CAMK1D: variants seen among roughly 807,000 people sequenced by gnomAD.
CAMK1D encodes calcium/calmodulin-dependent protein kinase type 1D.
CAMK1D carries 9 observed loss-of-function variants against 47.7 expected under a neutral mutation model. That is an observed-to-expected ratio of 0.19 (90% CI 0.11 to 0.33). The LOEUF (loss-of-function observed/expected upper bound fraction) is 0.33, where lower values mean the gene tolerates loss of function less well. Among genes scored for constraint, CAMK1D ranks in the 10% least tolerant of loss-of-function variants. CAMK1D has a pLI of 1.00. For missense variants in CAMK1D, 291 were observed against 488.7 expected (o/e 0.60, Z 3.81); for synonymous variants, 184 against 184.9 (o/e 0.99, Z 0.04).
chr10:12,689,185 G>T (rs1320619396), intron 3 of CAMK1D, among the ~76,000 whole-genome samples: 1 of 152,176 alleles, frequency 6.6e-6, no homozygotes, highest in Non-Finnish European at 1.5e-5. Context: ...GTCTCAGGAG[G>T]TTTCCCTAAG....
chr10:12,419,445 C>T lies in CAMK1D; in HGVS notation c.92+69535C>T, dbSNP rs924225487. The stretch of plus-strand genomic sequence containing the variant: ...TTACTATGAAAAATGGGGAAATACA[C>T]GCGATAACCAGAGCCAAGTCCTGTT... On this transcript the variant is annotated intron_variant, in intron 1 of 10. Coordinates refer to ENST00000619168, the MANE Select transcript of CAMK1D (RefSeq NM_153498.4). Among the ~76,000 whole-genome samples the T allele has an allele frequency of 3.9e-5, 6 of 152,106 alleles. No homozygotes were observed. In the East Asian group the frequency reaches 5.8e-4, roughly 15 times the overall value.
chr10:12,733,693 A>G (rs1288974592), intron 3 of CAMK1D, among the ~76,000 whole-genome samples: 1 of 152,214 alleles, frequency 6.6e-6, no homozygotes, highest in East Asian at 1.9e-4. Flanking sequence ...ATGTTATGCC[A>G]TACACCCGAA....
chr10:12,797,743 C>T (rs532539456), intron 6 of CAMK1D, among the ~76,000 whole-genome samples: 1 of 152,266 alleles, frequency 6.6e-6, no homozygotes, highest in Non-Finnish European at 1.5e-5. Context: ...CGAGTCCATC[C>T]TGGGGATGCT....
chr10:12,718,352 G>A (rs1016933854), intron 3 of CAMK1D, among the ~76,000 whole-genome samples: 15 of 152,162 alleles, frequency 9.9e-5, no homozygotes, highest in Non-Finnish European at 1.8e-4. Flanking sequence ...GGCTTGATTT[G>A]TCTAAATTGC....
intron 1 of CAMK1D, among the ~76,000 whole-genome samples, chr10:12,494,478 G>A (rs1834477076): frequency 6.6e-6 from 1 of 152,152 alleles, no homozygotes; most frequent in Admixed American, 6.5e-5. Flanking sequence ...TAAATCTGAT[G>A]TCCCCAACCC....
intron 5 of CAMK1D, among the ~76,000 whole-genome samples, chr10:12,786,451 A>G (rs1014908748): frequency 6.6e-6 from 1 of 152,256 alleles, no homozygotes; most frequent in African/African-American, 2.4e-5. Flanking sequence ...TCCATCGCCA[A>G]TATTGTCATC....
chr10:12,633,567 A>G (rs2132471075), intron 2 of CAMK1D, among the ~76,000 whole-genome samples: 1 of 152,104 alleles, frequency 6.6e-6, no homozygotes, highest in African/African-American at 2.4e-5. Context: ...CTCTTTTCTT[A>G]ATTTTTTGAG....
At chr10:12,609,234 C>T (rs1187370999) in intron 2 of CAMK1D, among the ~76,000 whole-genome samples, 3 of 152,150 alleles carry the variant, frequency 2.0e-5, no homozygotes, top group East Asian at 1.9e-4. Context: ...GTGAGGAACA[C>T]GAACATTTCA....
chr10:12,421,098 T>G (rs1268376376), intron 1 of CAMK1D, among the ~76,000 whole-genome samples: 1 of 152,026 alleles, frequency 6.6e-6, no homozygotes, highest in Non-Finnish European at 1.5e-5. Context: ...AATGGCGTGG[T>G]GTTGAGGTGA....
intron 6 of CAMK1D, among the ~76,000 whole-genome samples, chr10:12,797,043 C>A (rs1480502379): frequency 6.6e-6 from 1 of 152,176 alleles, no homozygotes; most frequent in Non-Finnish European, 1.5e-5. Flanking sequence ...CAGAAGTTTT[C>A]TTTCTTTTGG....
At chr10:12,684,568 C>A (rs1170004183) in intron 3 of CAMK1D, among the ~76,000 whole-genome samples, 1 of 152,092 alleles carries the variant, frequency 6.6e-6, no homozygotes, top group Non-Finnish European at 1.5e-5. Context: ...GCATCCAAAT[C>A]GTGGGACTGT....
chr10:12,566,036 A>C (rs1480453634), intron 2 of CAMK1D, among the ~76,000 whole-genome samples: 1 of 152,172 alleles, frequency 6.6e-6, no homozygotes. Context: ...CTCCTGCTTT[A>C]GAAGCTACTT....
rs190945469 is a variant in CAMK1D at position 12,671,307 on chromosome 10, A to G, written c.299+4497A>G. ...GGACTTGCTTTCATTTCCCTTGGGT[A>G]TATACCTAGGAGTGAAATTGCCGGG... On this transcript the variant is annotated intron_variant, in intron 3 of 10. Transcript: ENST00000619168. Among the ~76,000 whole-genome samples, 4 of 150,464 alleles carry G rather than the reference A, an allele frequency of 2.7e-5. No individual in the cohort carries two copies. In the East Asian group the frequency reaches 5.8e-4, roughly 22 times the overall value.
At chr10:12,392,054 A>G (rs1342607188) in intron 1 of CAMK1D, among the ~76,000 whole-genome samples, 2 of 151,016 alleles carry the variant, frequency 1.3e-5, no homozygotes, top group Non-Finnish European at 2.9e-5. Context: ...CTATAATCCT[A>G]GCACTTTGGG....
chr10:12,668,744 TG>T (rs1840513053), intron 3 of CAMK1D, among the ~76,000 whole-genome samples: 1 of 152,148 alleles, frequency 6.6e-6, no homozygotes, highest in Non-Finnish European at 1.5e-5. Context: ...AACTTGGGGT[TG>T]TATACTACCA....
chr10:12,532,587 T>C (rs1588601232), intron 1 of CAMK1D, among the ~76,000 whole-genome samples: 1 of 152,206 alleles, frequency 6.6e-6, no homozygotes, highest in East Asian at 1.9e-4. Context: ...CCTATCTTTT[T>C]ATTTTCAAGA....
At chr10:12,818,442 G>A (rs954557667) in intron 8 of CAMK1D, among the ~76,000 whole-genome samples, 5 of 152,118 alleles carry the variant, frequency 3.3e-5, no homozygotes, top group South Asian at 2.1e-4. Context: ...AGGCCAAGGC[G>A]GGTAGGTCAC....
At chr10:12,810,500 C>T (rs892659206) in intron 6 of CAMK1D, among the ~76,000 whole-genome samples, 1 of 152,280 alleles carries the variant, frequency 6.6e-6, no homozygotes, top group Non-Finnish European at 1.5e-5. Context: ...GTCTCGAACT[C>T]CTGACCTCAG....
At chr10:12,664,149 C>T (rs1488466268) in intron 2 of CAMK1D, among the ~76,000 whole-genome samples, 1 of 152,182 alleles carries the variant, frequency 6.6e-6, no homozygotes, top group Admixed American at 6.5e-5. Flanking sequence ...CAGAATTTAG[C>T]ATTTGATTCT....
Sources: gnomAD v4.1 joint callset for allele counts (sites outside exome capture counted in the v4.1 genomes callset) on GRCh38, gnomAD v4.1.1 for gene constraint, MANE v1.5 for transcripts, NCBI Gene and HGNC (gene_info 2026-07-23, HGNC 2026-07-21) for gene names.